TDRD1: variants seen among roughly 807,000 people sequenced by gnomAD.
TDRD1 encodes tudor domain-containing protein 1.
In TDRD1, 37 loss-of-function variants were observed where a neutral mutation model predicts 140.6. The ratio of observed to expected loss-of-function variants is 0.26; its 90% CI spans 0.20 to 0.35. The LOEUF is 0.35. Ranked by LOEUF, TDRD1 falls within the 10% of genes least tolerant of loss-of-function variation. TDRD1 has a pLI of 1.00. For synonymous variants in TDRD1, 506 were observed against 475.7 expected (o/e 1.06, Z -0.83); for missense variants, 1,243 against 1,393.0 (o/e 0.89, Z 1.71).
At chr10:114,204,299 G>C in intron 9 of TDRD1, 83 bp downstream of exon 9, 1 of 1,406,338 alleles carries the variant, frequency 7.1e-7, no homozygotes, top group Non-Finnish European at 9.5e-7. Flanking sequence ...GTGTTTGCTT[G>C]TTCTATTCTG....
chr10:114,206,803 C>T (rs1037819095), intron 11 of TDRD1, among the ~76,000 whole-genome samples: 1 of 151,936 alleles, frequency 6.6e-6, no homozygotes, highest in African/African-American at 2.4e-5. Flanking sequence ...TTAGTAGAGA[C>T]AGGGTTTCAC....
At position 114,213,453 on chromosome 10, in the gene TDRD1, A is replaced by C. The variant is rs781567288; in HGVS notation, c.1939A>C (p.Ser647Arg). The C allele has an allele frequency of 8.0e-5, 129 of 1,614,014 alleles. 3 individuals are homozygous for C. The South Asian group carries it at 1.4e-3, about 17-fold the overall frequency. Reference sequence around the variant, plus strand: ...GAAAGTGGTGGACAAGTTGGAAAACAGTTCCCTGGTGGAGCTTATTGATAA... The same window carrying C: ...GAAAGTGGTGGACAAGTTGGAAAACCGTTCCCTGGTGGAGCTTATTGATAA... Residue 647 changes from serine to arginine, a missense_variant, in exon 15 of 26, where the codon AGT becomes CGT. Physicochemically the swap from Ser to Arg is moderately radical, Grantham distance 110. Around this residue, in one of 5 missense-constraint regions of TDRD1, gnomAD observed 601 missense variants for 734.7 expected, o/e 0.82. Transcript: ENST00000251864.
At position 114,229,102 on chromosome 10, in the gene TDRD1, A is replaced by AATAC. The variant is rs1554852044; in HGVS notation, c.3538+978_3538+979insTACA. On this transcript the variant is annotated intron_variant, in intron 25 of 25. Transcript: ENST00000251864. The stretch of plus-strand genomic sequence containing the variant: ...TCTCAAAAACAAAACAAAACAAAAC[A>AATAC]AAAAAAAAAACAACCTCTAATCTCA... Among the ~76,000 whole-genome samples, 4 of 334 alleles carry AATAC rather than the reference A, an allele frequency of 0.012. No individual in the cohort carries two copies. The East Asian group carries it at 0.22, about 19-fold the overall frequency. 0.2% of individuals were successfully genotyped at this position (334 alleles called of 152,430 possible). A position where few individuals can be genotyped will look rare whatever the true frequency, so the allele number is the denominator to read the frequency against.
At chr10:114,227,431 G>T in intron 23 of TDRD1, 132 bp downstream of exon 23, 1 of 712,560 alleles carries the variant, frequency 1.4e-6, no homozygotes, top group Non-Finnish European at 2.4e-6. Flanking sequence ...CCAGTGGCAG[G>T]GTTCTGATTC....
At chr10:114,220,425 ATG>A (rs1170106228) in intron 18 of TDRD1, 141 bp from the exon 19 acceptor site, 2 of 617,764 alleles carry the variant, frequency 3.2e-6, no homozygotes, top group Non-Finnish European at 5.7e-6. Context: ...GGCATGCAGG[ATG>A]TAGGTGTATA....
chr10:114,225,986 C>T (rs1440889708), intron 21 of TDRD1, 63 bp from the exon 22 acceptor site: 3 of 1,344,076 alleles, frequency 2.2e-6, no homozygotes, highest in South Asian at 2.4e-5. Context: ...TATGAATAGC[C>T]ATCTTAAAGT....
At chr10:114,225,856 CAAA>C (rs369019516) in intron 21 of TDRD1, among the ~76,000 whole-genome samples, 190 bp from the exon 22 acceptor site, 5 of 102,574 alleles carry the variant, frequency 4.9e-5, no homozygotes, top group African/African-American at 3.4e-5. Context: ...GACCCTGTCT[CAAA>C]AAAAAAAAAA....
chr10:114,195,289 C>T (rs2034265397), intron 3 of TDRD1, among the ~76,000 whole-genome samples: 1 of 152,114 alleles, frequency 6.6e-6, no homozygotes, highest in African/African-American at 2.4e-5. Flanking sequence ...ATTCTCTTGG[C>T]ACTTAAAAAG....
intron 2 of TDRD1, among the ~76,000 whole-genome samples, chr10:114,188,718 G>A (rs1411391668): frequency 3.3e-5 from 5 of 151,998 alleles, no homozygotes; most frequent in Admixed American, 6.6e-5. Context: ...CTAGCCGGGC[G>A]TGGTGGCACA....
At chr10:114,216,422 GA>G (rs1233618299) in intron 16 of TDRD1, among the ~76,000 whole-genome samples, 1 of 151,994 alleles carries the variant, frequency 6.6e-6, no homozygotes, top group African/African-American at 2.4e-5. Flanking sequence ...CCATTCTGAT[GA>G]GCATCATTGA....
upstream of TDRD1, among the ~76,000 whole-genome samples, chr10:114,176,597 GA>G (rs1447266324): frequency 1.3e-5 from 2 of 152,068 alleles, no homozygotes; most frequent in East Asian, 3.9e-4. This position sits in a 1 kb window ranked among gnomAD's most constrained non-coding sequence, Gnocchi z 4.2. Context: ...GAGGTATCTG[GA>G]AATGTTTAGT....
Position 114,200,479 on chromosome 10 carries a change from GT to G in TDRD1, c.530-930del, listed in dbSNP as rs2034655743. On this transcript the variant is annotated intron_variant, in intron 4 of 25. Transcript: ENST00000251864. ...TCAAGATCTCCCTGGGTTTTTCTGG[GT>G]GTGATTCTCATTGTTTATTTTTTGT... Among the ~76,000 whole-genome samples the G allele has an allele frequency of 5.9e-5, 9 of 152,106 alleles. No homozygotes were observed. In the South Asian group the frequency reaches 1.7e-3, roughly 28 times the overall value.
At chr10:114,223,885 G>T (rs577987170) in intron 21 of TDRD1, among the ~76,000 whole-genome samples, 22 of 152,282 alleles carry the variant, frequency 1.4e-4, no homozygotes, top group African/African-American at 5.3e-4. Context: ...GTCTGCTCCT[G>T]TACAGGCTGC....
chr10:114,231,402 G>T (rs890482884), intron 25 of TDRD1: 3 of 1,134,320 alleles, frequency 2.6e-6, no homozygotes, highest in Non-Finnish European at 3.9e-6. Context: ...TGAATATTTT[G>T]TTTGCTTGTA....
chr10:114,210,723 C>A, exon 12 of TDRD1: 1 of 1,610,908 alleles, frequency 6.2e-7, no homozygotes. Flanking sequence ...CAGAAGACTT[C>A]TTTTGTCAAC....
intron 1 of TDRD1, among the ~76,000 whole-genome samples, chr10:114,183,804 C>T (rs908006035): frequency 1.3e-5 from 2 of 150,516 alleles, no homozygotes; most frequent in Admixed American, 1.3e-4. Context: ...AGATTCTAGG[C>T]GATTCTCCCA....
intron 21 of TDRD1, among the ~76,000 whole-genome samples, chr10:114,224,767 C>T (rs1371387140): frequency 6.6e-6 from 1 of 152,114 alleles, no homozygotes; most frequent in Admixed American, 6.5e-5. Flanking sequence ...TACTGTCAGT[C>T]TTCTAATGTT....
At chr10:114,191,815 A>G (rs1589664155) in intron 3 of TDRD1, among the ~76,000 whole-genome samples, 1 of 152,204 alleles carries the variant, frequency 6.6e-6, no homozygotes, top group Non-Finnish European at 1.5e-5. Flanking sequence ...GAGTGACGGT[A>G]TCATTTTACA....
At chr10:114,181,607 G>A (rs745552206) in intron 1 of TDRD1, among the ~76,000 whole-genome samples, 5 of 152,080 alleles carry the variant, frequency 3.3e-5, no homozygotes, top group South Asian at 2.1e-4. Flanking sequence ...TAATTCCAGC[G>A]CTTCGGGAGG....
Sources: gnomAD v4.1 joint callset for allele counts (sites outside exome capture counted in the v4.1 genomes callset) on GRCh38, gnomAD v4.1.1 for gene constraint, gnomAD v4.1.1 regional missense constraint, Gnocchi (gnomAD v3.1) non-coding constraint, MANE v1.5 for transcripts, NCBI Gene and HGNC (gene_info 2026-07-23, HGNC 2026-07-21) for gene names.